Variants in TRIO observed in about 807,000 individuals in gnomAD.
TRIO encodes trio Rho guanine nucleotide exchange factor, also known as triple functional domain protein.
In TRIO, 58 loss-of-function variants were observed where a neutral mutation model predicts 351.9. The ratio of observed to expected loss-of-function variants is 0.16; its 90% CI spans 0.13 to 0.21. TRIO has a LOEUF of 0.21. Ranked by LOEUF, TRIO falls within the 10% of genes least tolerant of loss-of-function variation. The probability of loss-of-function intolerance (pLI) is 1.00; values close to 1 mark genes in which losing one functional copy is unlikely to be tolerated. For missense variants in TRIO, 3,201 were observed against 4,027.8 expected (o/e 0.79, Z 5.56); for synonymous variants, 1,758 against 1,595.7 (o/e 1.10, Z -2.42).
intron 3 of TRIO, among the ~76,000 whole-genome samples, chr5:14,281,429 C>CCCCCCCCCCCCCCCCCCCCCCCCCA (rs1735992423): frequency 8.3e-6 from 1 of 121,202 alleles, no homozygotes; most frequent in African/African-American, 3.1e-5. Flanking sequence ...TTAGAACCCC[C>CCCCCCCCCCCCCCCCCCCCCCCCCA]CCCCCCCGCC....
chr5:14,334,906 C>T (rs1046094528), intron 10 of TRIO, among the ~76,000 whole-genome samples: 3 of 152,214 alleles, frequency 2.0e-5, no homozygotes, highest in Non-Finnish European at 2.9e-5. Context: ...GGAGTGCCCA[C>T]TCTTGTGCCC....
At chr5:14,348,756 C>A (rs909107608) in intron 11 of TRIO, among the ~76,000 whole-genome samples, 8 of 149,014 alleles carry the variant, frequency 5.4e-5, no homozygotes, top group Admixed American at 4.7e-4. Context: ...TGTGTGTACG[C>A]ACATGAGCAT....
rs541484387 is a variant in TRIO at position 14,375,775 on chromosome 5, T to C, written c.3331+1432T>C. ...TTAGTACTGGCTCAGGCAGAGACTG[T>C]GGAAATAGGAGACTAGAAAAAATGC... On this transcript the variant is annotated intron_variant, in intron 19 of 56. Coordinates refer to ENST00000344204, the MANE Select transcript of TRIO (RefSeq NM_007118.4). Among the ~76,000 whole-genome samples the C allele has an allele frequency of 2.6e-5, 4 of 152,324 alleles. No homozygotes were observed. The South Asian group carries it at 8.3e-4, about 32-fold the overall frequency.
intron 1 of TRIO, among the ~76,000 whole-genome samples, chr5:14,205,797 C>A (rs1250600640): frequency 4.0e-5 from 6 of 150,724 alleles, no homozygotes; most frequent in Non-Finnish European, 8.9e-5. Context: ...CAGTGGCACG[C>A]TCTCTGCTCA....
intron 3 of TRIO, among the ~76,000 whole-genome samples, chr5:14,282,759 T>C (rs1445446047): frequency 6.6e-6 from 1 of 152,212 alleles, no homozygotes; most frequent in Admixed American, 6.5e-5. Flanking sequence ...TCAAAAATAC[T>C]TGAGTGTGTA....
chr5:14,304,743 C>CTG (rs1738212666), intron 8 of TRIO, 151 bp downstream of exon 8: 1 of 934,574 alleles, frequency 1.1e-6, no homozygotes, highest in Non-Finnish European at 1.6e-6. Context: ...ATTTGAACCC[C>CTG]TGTGTGTGTG....
chr5:14,458,044 T>C (rs978309161), intron 34 of TRIO, among the ~76,000 whole-genome samples: 8 of 151,112 alleles, frequency 5.3e-5, no homozygotes, highest in African/African-American at 1.5e-4. Context: ...CCTGGGTCTT[T>C]TTTTTTTTTT....
intron 27 of TRIO, 72 bp downstream of exon 27, chr5:14,391,062 T>C: frequency 8.7e-7 from 1 of 1,149,664 alleles, no homozygotes. Flanking sequence ...TACTCATAAC[T>C]TTCACCTAAT....
At position 14,286,155 on chromosome 5, in the gene TRIO, G is replaced by A. The variant is rs1013276184; in HGVS notation, c.348-716G>A. 2.0e-5 allele frequency among the ~76,000 whole-genome samples: 3 copies of A among 151,908 alleles called. No individual in the cohort carries two copies. The highest frequency in any genetic ancestry group is 7.3e-5 in the African/African-American group (3 of 41,338). On this transcript the variant is annotated intron_variant, in intron 3 of 56. Transcript: ENST00000344204. This position sits in a 1 kb window ranked among gnomAD's most constrained non-coding sequence, Gnocchi z 4.4. ...TAGTGACTCCCAGCACTGCCTTGACGTGTGTCAGAGGCCAGCAGTGTTAAG... is the reference window on the plus strand; with the variant it reads ...TAGTGACTCCCAGCACTGCCTTGACATGTGTCAGAGGCCAGCAGTGTTAAG...
chr5:14,492,665 C>T lies in TRIO; in HGVS notation c.7731C>T (p.Val2577=), dbSNP rs146231483. Residue 2577 remains valine, a synonymous_variant, in exon 49 of 57, where the codon GTC becomes GTT. Coordinates refer to ENST00000344204, the MANE Select transcript of TRIO (RefSeq NM_007118.4). The part of the protein sequence containing the change: ...EDEINVYQGE[V]VQILASNQQN... ...AGATCAACGTCTACCAAGGAGAGGT[C>T]GTTCAAATTCTGGCCAGCAACCAGC... is the stretch of plus-strand genomic sequence containing the variant. 2.5e-6 allele frequency: 4 copies of T among 1,614,152 alleles called. No homozygotes were observed. Among genetic ancestry groups the T allele is most frequent in the Non-Finnish European group, 3.4e-6 (4 of 1,180,036 alleles).
In TRIO at chr5:14,341,019, T is replaced by C. The variant is rs1579372024; in HGVS notation, c.2046+4292T>C. Among the ~76,000 whole-genome samples the C allele has an allele frequency of 2.6e-5, 4 of 152,278 alleles. No individual in the cohort carries two copies. The South Asian group carries it at 8.3e-4, about 32-fold the overall frequency. On this transcript the variant is annotated intron_variant, in intron 11 of 56. Transcript: ENST00000344204. ...TCAGAATGCCTGCAGCCTGGTGCTT[T>C]GTTCTGTTTTTGTTTTGTTTTTTAA...
chr5:14,449,856 C>T (rs1265216892), intron 34 of TRIO, among the ~76,000 whole-genome samples: 1 of 152,202 alleles, frequency 6.6e-6, no homozygotes, highest in African/African-American at 2.4e-5. Flanking sequence ...ATCTTACCAT[C>T]TGTTTTCATT....
intron 49 of TRIO, 98 bp from the exon 50 acceptor site, chr5:14,496,781 C>T: frequency 4.0e-6 from 6 of 1,509,486 alleles, no homozygotes; most frequent in Non-Finnish European, 5.4e-6. Flanking sequence ...CCCCTGCACA[C>T]ACATACGTTG....
At chr5:14,293,641 T>G (rs902133322) in intron 6 of TRIO, among the ~76,000 whole-genome samples, 1 of 152,216 alleles carries the variant, frequency 6.6e-6, no homozygotes, top group Non-Finnish European at 1.5e-5. Flanking sequence ...TGGGATCCCC[T>G]GGCCCTCTTT....
intron 34 of TRIO, among the ~76,000 whole-genome samples, chr5:14,427,184 C>T (rs1750716522): frequency 6.6e-6 from 1 of 152,146 alleles, no homozygotes; most frequent in African/African-American, 2.4e-5. Flanking sequence ...AGGACTGCCT[C>T]CTCACCCCAC....
intron 1 of TRIO, among the ~76,000 whole-genome samples, chr5:14,243,107 A>G (rs915289197): frequency 5.9e-5 from 9 of 152,140 alleles, no homozygotes; most frequent in Non-Finnish European, 1.3e-4. Context: ...GGAGGAGCTC[A>G]GTCTTGTGTT....
At chr5:14,410,509 C>T (rs1022880749) in intron 33 of TRIO, among the ~76,000 whole-genome samples, 21 of 152,276 alleles carry the variant, frequency 1.4e-4, no homozygotes, top group African/African-American at 4.8e-4. Context: ...TTCTTTCTGC[C>T]CTACGTAGTT....
chr5:14,403,403 A>ATGAGGGTGTAGGTTG, intron 31 of TRIO, among the ~76,000 whole-genome samples: 1 of 15,760 alleles, frequency 6.3e-5, no homozygotes, highest in Non-Finnish European at 1.1e-4. Context: ...GTAGGTTGTG[A>ATGAGGGTGTAGGTTG]TGAGGGTGTA....
chr5:14,156,100 T>C (rs1167193119), intron 1 of TRIO, among the ~76,000 whole-genome samples: 1 of 152,200 alleles, frequency 6.6e-6, no homozygotes, highest in African/African-American at 2.4e-5. Context: ...TGTCACTTAG[T>C]TTGATGCTGT....
Sources: allele counts gnomAD v4.1 joint callset (sites outside exome capture counted in the v4.1 genomes callset), GRCh38; gene constraint gnomAD v4.1.1; non-coding constraint Gnocchi (gnomAD v3.1); transcripts MANE v1.5; gene names NCBI Gene and HGNC (gene_info 2026-07-23, HGNC 2026-07-21).